Variants in SYN3 observed in about 807,000 individuals in gnomAD.
SYN3 encodes synapsin-3.
A neutral mutation model predicts 65.8 loss-of-function variants in SYN3; 35 were observed. The observed-to-expected ratio is 0.53, with a 90% CI of 0.41 to 0.70. The LOEUF (loss-of-function observed/expected upper bound fraction) is 0.70, where lower values mean the gene tolerates loss of function less well. SYN3 is among the 30% of genes least tolerant of loss of function. SYN3 has a pLI of 0.00. For synonymous variants in SYN3, 270 were observed against 292.9 expected (o/e 0.92, Z 0.80); for missense variants, 680 against 749.0 (o/e 0.91, Z 1.08).
intron 8 of SYN3, 80 bp downstream of exon 8, chr22:32,541,491 G>A: frequency 3.2e-6 from 5 of 1,560,792 alleles, no homozygotes; most frequent in Non-Finnish European, 4.4e-6. Context: ...GCACCCTTGG[G>A]TGCAGGAGAC....
chr22:32,572,360 TC>T (rs2058778390), intron 7 of SYN3, among the ~76,000 whole-genome samples: 17 of 85,704 alleles, frequency 2.0e-4, no homozygotes, highest in South Asian at 5.2e-4. Flanking sequence ...TTCCCTTACT[TC>T]CCTTCCACCC....
At chr22:32,875,649 A>G (rs1427372208) in intron 4 of SYN3, among the ~76,000 whole-genome samples, 2 of 152,210 alleles carry the variant, frequency 1.3e-5, no homozygotes, top group African/African-American at 4.8e-5. Context: ...AAATTCGGAA[A>G]CAGACACACA....
intron 3 of SYN3, among the ~76,000 whole-genome samples, chr22:32,944,220 A>G (rs556490894): frequency 6.6e-6 from 1 of 152,304 alleles, no homozygotes. Flanking sequence ...CAGCAAATGT[A>G]AAAGAACAGA....
chr22:32,811,693 G>C lies in SYN3; in HGVS notation c.711+53222C>G, dbSNP rs369979184. ...AACGAGGAAAGCAGGATGGTGATTG[G>C]GGGGTCGGTCATAGTTCCTAGTTAG... is the stretch of plus-strand genomic sequence containing the variant. On this transcript the variant is annotated intron_variant, in intron 6 of 13. Coordinates refer to ENST00000358763, the MANE Select transcript of SYN3 (RefSeq NM_003490.4). Among the ~76,000 whole-genome samples the C allele has an allele frequency of 5.3e-5, 8 of 152,280 alleles. No individual in the cohort carries two copies. In the East Asian group the frequency reaches 1.5e-3, roughly 29 times the overall value.
intron 6 of SYN3, among the ~76,000 whole-genome samples, chr22:32,606,642 C>T (rs2059376152): frequency 6.6e-6 from 1 of 152,110 alleles, no homozygotes; most frequent in Non-Finnish European, 1.5e-5. Flanking sequence ...CCACACTCCC[C>T]CATCAGCCTC....
At chr22:32,954,133 A>AAAACT in intron 3 of SYN3, among the ~76,000 whole-genome samples, 1 of 152,216 alleles carries the variant, frequency 6.6e-6, no homozygotes, top group East Asian at 1.9e-4. Context: ...AAAACAAAAC[A>AAAACT]AAACAAAACA....
chr22:32,644,101 A>AAAAAAAAAAAAAAAAAAAAAAGAG (rs368236821), intron 6 of SYN3, among the ~76,000 whole-genome samples: 1 of 71,214 alleles, frequency 1.4e-5, no homozygotes, highest in African/African-American at 5.5e-5. Flanking sequence ...AAAAAAAAAA[A>AAAAAAAAAAAAAAAAAAAAAAGAG]AGCGACAAGA....
intron 12 of SYN3, chr22:32,519,825 C>T (rs770020186): frequency 2.6e-5 from 4 of 152,134 alleles, no homozygotes; most frequent in African/African-American, 4.8e-5. Flanking sequence ...ATTCTTGCCA[C>T]GTTTTTTTGA....
At chr22:32,946,631 G>A (rs1305474071) in intron 3 of SYN3, among the ~76,000 whole-genome samples, 1 of 152,094 alleles carries the variant, frequency 6.6e-6, no homozygotes, top group South Asian at 2.1e-4. Flanking sequence ...CATGGCACAT[G>A]TATACATAGG....
At chr22:32,719,927 G>A (rs1045846361) in intron 6 of SYN3, among the ~76,000 whole-genome samples, 1 of 152,218 alleles carries the variant, frequency 6.6e-6, no homozygotes, top group Non-Finnish European at 1.5e-5. Flanking sequence ...GGAGGGGAAG[G>A]GGGGACAAGG....
chr22:32,593,895 G>A (rs1387018637), intron 7 of SYN3, among the ~76,000 whole-genome samples: 1 of 152,120 alleles, frequency 6.6e-6, no homozygotes, highest in Non-Finnish European at 1.5e-5. Flanking sequence ...GAACAAGAAG[G>A]AGTGGCAAGA....
chr22:32,982,677 C>A (rs1386411935), intron 2 of SYN3, among the ~76,000 whole-genome samples: 1 of 152,152 alleles, frequency 6.6e-6, no homozygotes, highest in Non-Finnish European at 1.5e-5. Flanking sequence ...CTATTGTATT[C>A]ATCACTTTCT....
intron 7 of SYN3, among the ~76,000 whole-genome samples, chr22:32,556,165 C>T (rs186184181): frequency 2.6e-5 from 4 of 152,232 alleles, no homozygotes; most frequent in Middle Eastern, 3.4e-3. Context: ...GTAGTTAGAG[C>T]GAAATAGCTT....
intron 2 of SYN3, among the ~76,000 whole-genome samples, chr22:33,003,074 C>T (rs900525753): frequency 2.0e-5 from 3 of 152,178 alleles, no homozygotes; most frequent in African/African-American, 7.2e-5. Flanking sequence ...TGGCTTCTGC[C>T]ATGATTGTAA....
intron 6 of SYN3, among the ~76,000 whole-genome samples, chr22:32,726,382 C>T (rs1320748000): frequency 1.3e-5 from 2 of 152,208 alleles, no homozygotes; most frequent in African/African-American, 4.8e-5. Context: ...ACATCATGAT[C>T]TGCCCGCCTT....
chr22:32,919,121 C>T (rs2050266999), intron 4 of SYN3, among the ~76,000 whole-genome samples: 2 of 152,150 alleles, frequency 1.3e-5, no homozygotes, highest in South Asian at 4.1e-4. Context: ...TTCTCCTTCC[C>T]CTCATTTGGC....
At chr22:32,756,167 T>C (rs1035492755) in intron 6 of SYN3, among the ~76,000 whole-genome samples, 1 of 151,880 alleles carries the variant, frequency 6.6e-6, no homozygotes, top group Non-Finnish European at 1.5e-5. Context: ...CGTGTATACC[T>C]GTGTAACAAA....
intron 6 of SYN3, among the ~76,000 whole-genome samples, chr22:32,625,209 G>T (rs1309616584): frequency 6.6e-6 from 1 of 152,230 alleles, no homozygotes; most frequent in Non-Finnish European, 1.5e-5. Flanking sequence ...AATGTGGACG[G>T]ATTTCACTGG....
At chr22:32,910,157 G>A (rs934474345) in intron 4 of SYN3, among the ~76,000 whole-genome samples, 14 of 152,084 alleles carry the variant, frequency 9.2e-5, no homozygotes, top group African/African-American at 2.4e-4. Context: ...TCTGTGGCAC[G>A]TTTATTTTAA....
Sources: allele counts gnomAD v4.1 joint callset (sites outside exome capture counted in the v4.1 genomes callset), GRCh38; gene constraint gnomAD v4.1.1; transcripts MANE v1.5; gene names NCBI Gene and HGNC (gene_info 2026-07-23, HGNC 2026-07-21).